Variants in PLA2G4D observed in about 807,000 individuals in gnomAD.
PLA2G4D encodes the protein phospholipase A2 group IVD.
In PLA2G4D, 80 loss-of-function variants were observed where a neutral mutation model predicts 94.4. That is an observed-to-expected ratio of 0.85 (90% CI 0.71 to 1.02). The LOEUF (loss-of-function observed/expected upper bound fraction) is 1.02, where lower values mean the gene tolerates loss of function less well. PLA2G4D is among the 50% of genes least tolerant of loss of function. PLA2G4D has a pLI of 0.00. For missense variants in PLA2G4D, 1,050 were observed against 1,034.7 expected (o/e 1.01, Z -0.20); for synonymous variants, 438 against 440.9 (o/e 0.99, Z 0.08).
chr15:42,070,065 C>G lies in PLA2G4D; in HGVS notation c.2074G>C (p.Ala692Pro), dbSNP rs1268302367. The G allele has an allele frequency of 6.6e-7, 1 of 1,521,004 alleles. No homozygotes were observed. The highest frequency in any genetic ancestry group is 1.4e-5 in the African/African-American group (1 of 70,738). 94.2% of individuals were successfully genotyped at this position (1,521,004 alleles called of 1,614,324 possible). Residue 692 changes from alanine to proline, a missense_variant, in exon 19 of 20, where the codon GCC (alanine) becomes CCC (proline). By Grantham distance (27) the Ala-to-Pro change is conservative. Coordinates refer to ENST00000290472, the MANE Select transcript of PLA2G4D (RefSeq NM_178034.4). ...ACCCGGGGGAAGGGCAGCCCCCGGG[C>G]CCGGCAGTACAGCTCCGTCTGCTGC... ...ALQQTELYCR[A>P]RGLPFPRVEP...
chr15:42,085,625 CG>C, intron 4 of PLA2G4D, 94 bp from the exon 5 acceptor site: 2 of 1,332,226 alleles, frequency 1.5e-6, no homozygotes, highest in Non-Finnish European at 2.2e-6. Flanking sequence ...TCCTCTCAAG[CG>C]GTCTCCAAGG....
chr15:42,072,105 C>G (rs1002944177), intron 14 of PLA2G4D, among the ~76,000 whole-genome samples, 170 bp downstream of exon 14: 1 of 152,210 alleles, frequency 6.6e-6, no homozygotes. Context: ...CACCCTCAAG[C>G]ACTACCCACT....
chr15:42,090,790 T>C (rs1890232792), intron 1 of PLA2G4D, among the ~76,000 whole-genome samples: 1 of 152,172 alleles, frequency 6.6e-6, no homozygotes, highest in Admixed American at 6.5e-5. Context: ...GGTACAGCCT[T>C]CGCCAGGGAG....
Position 42,086,194 on chromosome 15 carries a change from T to TTGGGGGGGGGGGCGC in PLA2G4D, c.387+18_387+19insGCGCCCCCCCCCCCA. ...GGAAGAAGTGGGGCCCACGGGGACT[T>TTGGGGGGGGGGGCGC]CCCCACCCACCCACCCACCTGGGGA... On this transcript the variant is annotated intron_variant, in intron 4 of 19. Transcript: ENST00000290472. The TTGGGGGGGGGGGCGC allele has an allele frequency of 1.2e-5, 17 of 1,370,430 alleles. No homozygotes were observed. Among genetic ancestry groups the TTGGGGGGGGGGGCGC allele is most frequent in the Non-Finnish European group, 1.6e-5 (17 of 1,043,072 alleles). 84.9% of individuals were successfully genotyped at this position (1,370,430 alleles called of 1,614,324 possible).
chr15:42,079,369 A>G (rs1482254049), intron 13 of PLA2G4D, among the ~76,000 whole-genome samples, 168 bp downstream of exon 13: 1 of 152,272 alleles, frequency 6.6e-6, no homozygotes, highest in African/African-American at 2.4e-5. Context: ...GCAATTAATT[A>G]AAGAATCTGC....
chr15:42,071,666 A>ACCC, intron 15 of PLA2G4D, 108 bp downstream of exon 15: 1 of 582,856 alleles, frequency 1.7e-6, no homozygotes, highest in Admixed American at 3.1e-5. Context: ...CCCCCCCGCC[A>ACCC]CCCCTCCCCC....
intron 13 of PLA2G4D, among the ~76,000 whole-genome samples, chr15:42,072,804 A>G (rs1889854238): frequency 6.6e-6 from 1 of 152,196 alleles, no homozygotes. Flanking sequence ...AACCTATGCC[A>G]GGGGATGGAC....
rs1889718654 is a variant in PLA2G4D at position 42,068,011 on chromosome 15, T to C, written c.*704A>G. On this transcript the variant is annotated 3_prime_UTR_variant, in exon 20 of 20. Transcript: ENST00000290472. ...CAGGAAGAAGTAAAACCATCTCTAT[T>C]TGGAGATGGCATGATCTGTCTACAG... 1 of 152,312 alleles carries C rather than the reference T, an allele frequency of 6.6e-6. No homozygotes were observed. Among genetic ancestry groups the C allele is most frequent in the Non-Finnish European group, 1.5e-5 (1 of 68,054 alleles). 9.4% of individuals were successfully genotyped at this position (152,312 alleles called of 1,614,324 possible).
intron 13 of PLA2G4D, among the ~76,000 whole-genome samples, chr15:42,079,294 G>C (rs1395636499): frequency 6.6e-6 from 1 of 152,234 alleles, no homozygotes; most frequent in Non-Finnish European, 1.5e-5. Flanking sequence ...AGCTTTGTTT[G>C]CTTAACTGAC....
rs1889731040 is a variant in PLA2G4D, at chr15:42,068,643, C to G, written c.*72G>C. ...AGCCCAGAACTCCAACCAGGAAGGC[C>G]TGTGGCTGAGCCCAGCTACAGATCA... On this transcript the variant is annotated 3_prime_UTR_variant, in exon 20 of 20. Coordinates refer to ENST00000290472, the MANE Select transcript of PLA2G4D (RefSeq NM_178034.4). The G allele has an allele frequency of 6.9e-7, 1 of 1,440,244 alleles. No individual in the cohort carries two copies. Among genetic ancestry groups the G allele is most frequent in the African/African-American group, 1.4e-5 (1 of 70,674 alleles). The allele number at this position is 1,440,244 out of a possible 1,614,324, so 89.2% of individuals were successfully genotyped here.
intron 1 of PLA2G4D, among the ~76,000 whole-genome samples, chr15:42,093,821 G>T (rs1890289410): frequency 6.6e-6 from 1 of 152,220 alleles, no homozygotes. Context: ...ACCACCTGGG[G>T]CACCGGGGGG....
intron 1 of PLA2G4D, among the ~76,000 whole-genome samples, chr15:42,089,016 C>T (rs1396763786): frequency 3.9e-5 from 6 of 152,214 alleles, no homozygotes; most frequent in East Asian, 1.9e-4. Flanking sequence ...TGCCATTCAG[C>T]GGCTCTGCCA....
chr15:42,079,508 C>A, intron 13 of PLA2G4D, 29 bp downstream of exon 13: 1 of 1,560,860 alleles, frequency 6.4e-7, no homozygotes, highest in South Asian at 1.2e-5. Context: ...TGCACACACG[C>A]GTCTCCCCCA....
At chr15:42,087,145 C>G (rs571318266) in intron 3 of PLA2G4D, among the ~76,000 whole-genome samples, 155 bp downstream of exon 3, 1 of 152,280 alleles carries the variant, frequency 6.6e-6, no homozygotes, top group Admixed American at 6.5e-5. Context: ...TTCATACATT[C>G]CCTTGCACAC....
chr15:42,087,234 C>A (rs1890166762), intron 3 of PLA2G4D, 66 bp downstream of exon 3: 6 of 1,602,206 alleles, frequency 3.7e-6, no homozygotes, highest in Middle Eastern at 3.5e-4. Context: ...ATGCTCTACC[C>A]CAGGAACCCT....
chr15:42,071,023 C>A, intron 17 of PLA2G4D, 100 bp downstream of exon 17: 1 of 1,543,600 alleles, frequency 6.5e-7, no homozygotes, highest in Non-Finnish European at 8.8e-7. Flanking sequence ...CAGGCCACAC[C>A]CCAGAAGTGG....
At chr15:42,070,219 G>A in intron 18 of PLA2G4D, 124 bp from the exon 19 acceptor site, 1 of 1,003,126 alleles carries the variant, frequency 1.0e-6, no homozygotes, top group Non-Finnish European at 1.4e-6. Context: ...TTTGTGGTCG[G>A]GCCAAGCTGC....
chr15:42,092,585 CCTT>C (rs1269296290), intron 1 of PLA2G4D, among the ~76,000 whole-genome samples: 1 of 152,200 alleles, frequency 6.6e-6, no homozygotes, highest in Non-Finnish European at 1.5e-5. Context: ...TGAAATACCT[CCTT>C]AATTGATGAC....
chr15:42,087,450 G>A lies in PLA2G4D; in HGVS notation c.119-14C>T. The A allele has an allele frequency of 6.2e-7, 1 of 1,613,982 alleles. No individual in the cohort carries two copies. Among genetic ancestry groups the A allele is most frequent in the Non-Finnish European group, 8.5e-7 (1 of 1,179,980 alleles). ...CGGCCTCACTCACTGCCAAGGTTAA[G>A]GAAGTCTTCGTGAGGGAGTACTCCC... On this transcript the variant is annotated splice_polypyrimidine_tract_variant and intron_variant, in intron 2 of 19. Transcript: ENST00000290472.
Sources: allele counts gnomAD v4.1 joint callset (sites outside exome capture counted in the v4.1 genomes callset), GRCh38; gene constraint gnomAD v4.1.1; transcripts MANE v1.5; gene names NCBI Gene and HGNC (gene_info 2026-07-23, HGNC 2026-07-21).